FAF1: variants seen among roughly 807,000 people sequenced by gnomAD.
The protein encoded by FAF1 is Fas associated factor 1, also known as FAS-associated factor 1.
In FAF1, 25 loss-of-function variants were observed where a neutral mutation model predicts 92.5. The ratio of observed to expected loss-of-function variants is 0.27; its 90% CI spans 0.20 to 0.38. The LOEUF is 0.38. FAF1 is among the 10% of genes least tolerant of loss of function. The pLI is 1.00. For synonymous variants in FAF1, 234 were observed against 273.2 expected, an observed-to-expected ratio of 0.86 and a Z score of 1.42; for missense variants, 636 against 793.3, an observed-to-expected ratio of 0.80 and a Z score of 2.38.
chr1:50,830,618 T>C (rs189204531), intron 2 of FAF1, among the ~76,000 whole-genome samples: 59 of 152,172 alleles, frequency 3.9e-4, no homozygotes, highest in Admixed American at 7.2e-4. Flanking sequence ...GTTTATCAAA[T>C]AGATTAGCCA....
intron 8 of FAF1, among the ~76,000 whole-genome samples, chr1:50,626,498 C>T (rs1267151022): frequency 6.6e-6 from 1 of 152,050 alleles, no homozygotes; most frequent in African/African-American, 2.4e-5. Flanking sequence ...ATGATGGTAC[C>T]TCAGAAGAAC....
At chr1:50,870,350 G>A (rs917396023) in intron 1 of FAF1, among the ~76,000 whole-genome samples, 1 of 152,124 alleles carries the variant, frequency 6.6e-6, no homozygotes, top group Admixed American at 6.6e-5. Flanking sequence ...CCAGCTACTC[G>A]GAAGGCTGAG....
chr1:50,582,581 T>C, intron 12 of FAF1, 37 bp downstream of exon 12: 2 of 1,317,780 alleles, frequency 1.5e-6, no homozygotes, highest in Non-Finnish European at 2.2e-6. Flanking sequence ...ACCTGTGGGA[T>C]GCACTTTTTA....
chr1:50,873,060 CT>C, intron 1 of FAF1, among the ~76,000 whole-genome samples: 1 of 152,172 alleles, frequency 6.6e-6, no homozygotes. Flanking sequence ...CAGTCAGCAC[CT>C]ATCAACGTTG....
intron 4 of FAF1, among the ~76,000 whole-genome samples, chr1:50,773,450 G>A (rs888245483): frequency 6.6e-6 from 1 of 152,176 alleles, no homozygotes; most frequent in African/African-American, 2.4e-5. Context: ...TAGATGAACA[G>A]ATACAAAAAT....
intron 7 of FAF1, among the ~76,000 whole-genome samples, chr1:50,683,560 A>G (rs1300913315): frequency 6.6e-6 from 1 of 151,964 alleles, no homozygotes; most frequent in Non-Finnish European, 1.5e-5. Context: ...CCCAATTTCA[A>G]TTTTATATAA....
At chr1:50,874,028 G>C (rs1221173419) in intron 1 of FAF1, among the ~76,000 whole-genome samples, 1 of 152,156 alleles carries the variant, frequency 6.6e-6, no homozygotes, top group East Asian at 1.9e-4. Context: ...TGCAGGGTAT[G>C]TGAGACCCAA....
chr1:50,822,774 C>CTTTTT (rs772097310), intron 2 of FAF1, among the ~76,000 whole-genome samples: 30 of 125,206 alleles, frequency 2.4e-4, no homozygotes, highest in South Asian at 4.9e-4. Flanking sequence ...TTCTTTCTTT[C>CTTTTT]TTTTTTTTTT....
At position 50,758,830 on chromosome 1, in the gene FAF1, T is replaced by C. The variant is rs149420347; in HGVS notation, c.368-14055A>G. On this transcript the variant is annotated intron_variant, in intron 4 of 18. Coordinates refer to ENST00000396153, the MANE Select transcript of FAF1 (RefSeq NM_007051.3). ...GTGCGCTGCTTCTGATAGAAGTCTG[T>C]ATTTTTTATTATTATTATTGTTATT... is the stretch of plus-strand genomic sequence containing the variant. 7.7e-4 allele frequency among the ~76,000 whole-genome samples: 117 copies of C among 152,296 alleles called. 3 individuals carry two copies. In the East Asian group the frequency reaches 0.021, roughly 28 times the overall value.
chr1:50,598,140 CA>C (rs1316002023), intron 8 of FAF1, among the ~76,000 whole-genome samples: 1 of 151,978 alleles, frequency 6.6e-6, no homozygotes, highest in Non-Finnish European at 1.5e-5. Flanking sequence ...AAAACATAAA[CA>C]AAAGATTAGC....
intron 18 of FAF1, among the ~76,000 whole-genome samples, chr1:50,472,161 A>T (rs1002254897): frequency 6.6e-6 from 1 of 151,978 alleles, no homozygotes; most frequent in African/African-American, 2.4e-5. Context: ...TAACTCAGAG[A>T]CAGGAGTTGG....
intron 17 of FAF1, among the ~76,000 whole-genome samples, chr1:50,483,503 C>T (rs767524113): frequency 3.9e-4 from 60 of 152,124 alleles, no homozygotes; most frequent in Non-Finnish European, 6.8e-4. Context: ...TTATCAATCT[C>T]TATAGAAAAT....
intron 1 of FAF1, among the ~76,000 whole-genome samples, chr1:50,887,384 G>C (rs940136686): frequency 6.6e-6 from 1 of 152,158 alleles, no homozygotes; most frequent in Non-Finnish European, 1.5e-5. Context: ...AGTTTAATTA[G>C]ATCCCATTTG....
At chr1:50,458,666 T>G (rs2148986313) in intron 18 of FAF1, among the ~76,000 whole-genome samples, 1 of 152,362 alleles carries the variant, frequency 6.6e-6, no homozygotes, top group African/African-American at 2.4e-5. Flanking sequence ...GGTTTTCTCA[T>G]AAAATGCCAC....
chr1:50,652,718 CCTCA>C (rs1416631409), intron 8 of FAF1, among the ~76,000 whole-genome samples: 1 of 152,210 alleles, frequency 6.6e-6, no homozygotes, highest in African/African-American at 2.4e-5. Context: ...TTAGCTCTAT[CCTCA>C]CTCACTCTGC....
At position 50,940,784 on chromosome 1, in the gene FAF1, A is replaced by G. The variant is rs560605539; in HGVS notation, c.45+18983T>C. 2.6e-5 allele frequency among the ~76,000 whole-genome samples: 4 copies of G among 152,348 alleles called. No individual in the cohort carries two copies. In the South Asian group the frequency reaches 8.3e-4, roughly 32 times the overall value. ...AAGTGACGTAAAAATACTAGTAACT[A>G]CGTAATCTCAGTAGCAACCATTGTC... On this transcript the variant is annotated intron_variant, in intron 1 of 18. Transcript: ENST00000396153.
intron 6 of FAF1, among the ~76,000 whole-genome samples, chr1:50,726,050 C>T (rs777060925): frequency 1.3e-5 from 2 of 151,744 alleles, no homozygotes; most frequent in Non-Finnish European, 2.9e-5. Flanking sequence ...GTCAAGAGTT[C>T]GAGACCAGCC....
intron 15 of FAF1, among the ~76,000 whole-genome samples, chr1:50,534,730 G>A (rs1648379211): frequency 6.6e-6 from 1 of 152,154 alleles, no homozygotes; most frequent in South Asian, 2.1e-4. Context: ...ATGAGATGAT[G>A]ATTAGTGCTT....
At chr1:50,868,740 T>C (rs932304162) in intron 1 of FAF1, among the ~76,000 whole-genome samples, 1 of 152,216 alleles carries the variant, frequency 6.6e-6, no homozygotes, top group Non-Finnish European at 1.5e-5. Flanking sequence ...TGTTGATTTG[T>C]AATTTAATTC....
Sources: gnomAD v4.1 joint callset for allele counts (sites outside exome capture counted in the v4.1 genomes callset) on GRCh38, gnomAD v4.1.1 for gene constraint, MANE v1.5 for transcripts, NCBI Gene and HGNC (gene_info 2026-07-23, HGNC 2026-07-21) for gene names.